Variants in RAD54L2 observed in about 807,000 individuals in gnomAD.
RAD54L2 encodes helicase ARIP4.
Under a neutral mutation model 138.4 loss-of-function variants are expected in RAD54L2, and 27 were observed. The observed-to-expected ratio is 0.20, with a 90% CI of 0.14 to 0.27. RAD54L2 has a LOEUF of 0.27. RAD54L2 is among the 10% of genes least tolerant of loss of function. The probability of loss-of-function intolerance (pLI) is 1.00; values close to 1 mark genes in which losing one functional copy is unlikely to be tolerated. For synonymous variants in RAD54L2, 644 were observed against 723.2 expected, an observed-to-expected ratio of 0.89 and a Z score of 1.76; for missense variants, 1,396 against 1,890.2, an observed-to-expected ratio of 0.74 and a Z score of 4.85.
chr3:51,644,796 G>C (rs1238733131), intron 16 of RAD54L2, among the ~76,000 whole-genome samples: 1 of 152,180 alleles, frequency 6.6e-6, no homozygotes, highest in Non-Finnish European at 1.5e-5. Context: ...ACAGAGGAGA[G>C]TGAGTTTTGT....
intron 2 of RAD54L2, among the ~76,000 whole-genome samples, chr3:51,554,644 C>T (rs963578740): frequency 3.9e-5 from 6 of 152,146 alleles, no homozygotes; most frequent in Admixed American, 1.3e-4. Flanking sequence ...GGAAAATTTG[C>T]ATCTGTAAAG....
At chr3:51,604,263 A>G (rs1003521626) in intron 3 of RAD54L2, among the ~76,000 whole-genome samples, 2 of 152,180 alleles carry the variant, frequency 1.3e-5, no homozygotes, top group African/African-American at 2.4e-5. Flanking sequence ...TTTGGAATCC[A>G]TCGTTTAGGT....
rs769046073 is a variant in RAD54L2, at chr3:51,639,975, T to A, written c.2207T>A (p.Leu736His). Residue 736 changes from leucine (L) to histidine (H), a missense_variant, in exon 14 of 23, where the codon CTT (leucine) becomes CAT (histidine). Leu to His is a moderately conservative substitution (Grantham distance 99, BLOSUM62 -3). Transcript: ENST00000684192. ...CACCTGATTGAGGAAAGTGTGAAGC[T>A]TGGGGACAAGATCCTTGTGTTTAGG... ...LFHLIEESVKLGDKILVFSQS... is the reference protein window; with the variant it reads ...LFHLIEESVKHGDKILVFSQS... The A allele has an allele frequency of 5.0e-6, 8 of 1,608,134 alleles. No homozygotes were observed. The highest frequency in any genetic ancestry group is 6.8e-6 in the Non-Finnish European group (8 of 1,175,342).
At chr3:51,565,091 G>A (rs1391929201) in intron 2 of RAD54L2, among the ~76,000 whole-genome samples, 1 of 152,168 alleles carries the variant, frequency 6.6e-6, no homozygotes, top group Admixed American at 6.6e-5. Context: ...TAGTCCTCAG[G>A]TGCTTGGGGA....
At chr3:51,544,385 T>G (rs1328360570) in intron 2 of RAD54L2, among the ~76,000 whole-genome samples, 1 of 152,206 alleles carries the variant, frequency 6.6e-6, no homozygotes, top group Non-Finnish European at 1.5e-5. Flanking sequence ...TTCATAATTT[T>G]GAGGCTGGAG....
chr3:51,601,312 T>TTTTTTTTTTGTTTG (rs1258104283), intron 3 of RAD54L2, among the ~76,000 whole-genome samples: 1 of 143,370 alleles, frequency 7.0e-6, no homozygotes, highest in African/African-American at 2.6e-5. Context: ...GCGCCCGGCT[T>TTTTTTTTTTGTTTG]TTTTTTTTTT....
At chr3:51,556,307 G>T (rs1157423916) in intron 2 of RAD54L2, among the ~76,000 whole-genome samples, 3 of 151,950 alleles carry the variant, frequency 2.0e-5, no homozygotes, top group Non-Finnish European at 4.4e-5. Context: ...ACAGGGTTTT[G>T]CTCTTTCACC....
intron 1 of RAD54L2, among the ~76,000 whole-genome samples, chr3:51,539,791 G>A (rs1025828313): frequency 3.3e-5 from 5 of 152,174 alleles, no homozygotes; most frequent in African/African-American, 1.2e-4. Context: ...AGATCTGTTA[G>A]GATTCCTGTT....
At chr3:51,597,877 C>T (rs2106727556) in intron 3 of RAD54L2, among the ~76,000 whole-genome samples, 1 of 151,036 alleles carries the variant, frequency 6.6e-6, no homozygotes, top group Admixed American at 6.6e-5. Context: ...TCGCTTAAAC[C>T]TGGGAGGCGG....
rs1376096170 is a variant in RAD54L2 at position 51,639,636 on chromosome 3, A to G, written c.2078A>G (p.Gln693Arg). ...FLQGVGFNPF[Q>R]ERGNNIVTYE... is the part of the protein sequence containing the mutation. Reference sequence around the variant, plus strand: ...CAGGGCGTTGGCTTCAACCCTTTCCAGGAGCGAGGCAACAACATTGTCACA... The same window carrying G: ...CAGGGCGTTGGCTTCAACCCTTTCCGGGAGCGAGGCAACAACATTGTCACA... Residue 693 changes from glutamine (Q) to arginine (R), a missense_variant, in exon 13 of 23, where the codon CAG becomes CGG. Transcript: ENST00000684192. 3 of 1,613,788 alleles carry G rather than the reference A, an allele frequency of 1.9e-6. No individual in the cohort carries two copies. The highest frequency in any genetic ancestry group is 3.3e-5 in the Admixed American group (2 of 59,986).
At chr3:51,611,699 C>G (rs1380177798) in intron 3 of RAD54L2, 1 of 152,076 alleles carries the variant, frequency 6.6e-6, no homozygotes, top group Non-Finnish European at 1.5e-5. Context: ...GCTGGGATTA[C>G]AGGTGCCAGC....
At chr3:51,603,233 A>T (rs1456144930) in intron 3 of RAD54L2, among the ~76,000 whole-genome samples, 1 of 151,282 alleles carries the variant, frequency 6.6e-6, no homozygotes, top group African/African-American at 2.4e-5. Context: ...CACTTGAGCC[A>T]GGAGGTTGAG....
intron 2 of RAD54L2, among the ~76,000 whole-genome samples, chr3:51,571,317 A>G (rs1699332418): frequency 6.7e-6 from 1 of 150,372 alleles, no homozygotes; most frequent in Admixed American, 6.6e-5. Context: ...TCCTTGTATG[A>G]ATTATTTTGG....
Position 51,645,567 on chromosome 3 carries a change from T to A in RAD54L2, c.2657-24T>A, listed in dbSNP as rs1454802561. On this transcript the variant is annotated intron_variant, in intron 17 of 22. Coordinates refer to ENST00000684192, the MANE Select transcript of RAD54L2 (RefSeq NM_015106.4). This position sits in a 1 kb window ranked among gnomAD's most constrained non-coding sequence, Gnocchi z 6.1. Reference sequence around the variant, plus strand: ...CAGTTTTTAATGCCATGTGCTGACTTTCTTCATGTCTTTATCCTTCTAGAT... The same window carrying A: ...CAGTTTTTAATGCCATGTGCTGACTATCTTCATGTCTTTATCCTTCTAGAT... 20 of 1,586,348 alleles carry A rather than the reference T, an allele frequency of 1.3e-5. No individual in the cohort carries two copies. The highest frequency in any genetic ancestry group is 1.7e-5 in the Non-Finnish European group (20 of 1,166,716).
At chr3:51,593,003 T>C (rs1039863551) in intron 3 of RAD54L2, among the ~76,000 whole-genome samples, 2 of 152,218 alleles carry the variant, frequency 1.3e-5, no homozygotes. Context: ...GCTATTCTAC[T>C]AGTAAGAATA....
intron 2 of RAD54L2, among the ~76,000 whole-genome samples, chr3:51,578,626 T>G (rs1577400040): frequency 6.6e-6 from 1 of 152,158 alleles, no homozygotes; most frequent in East Asian, 1.9e-4. Context: ...CACTCGCTAC[T>G]CTACTCATCG....
intron 2 of RAD54L2, among the ~76,000 whole-genome samples, chr3:51,585,679 A>G (rs946873645): frequency 6.6e-6 from 1 of 152,166 alleles, no homozygotes; most frequent in Non-Finnish European, 1.5e-5. Context: ...AGGATTGGCT[A>G]TGGGTTTCTT....
rs1485556541 is a variant in RAD54L2 at position 51,638,743 on chromosome 3, G to GT, written c.1860+425dup. The GT allele has an allele frequency of 1.2e-5, 2 of 163,402 alleles. No homozygotes were observed. The highest frequency in any genetic ancestry group is 1.8e-4 in the South Asian group (1 of 5,558). The allele number at this position is 163,402 out of a possible 1,614,324, so 10.1% of individuals were successfully genotyped here. A position where few individuals can be genotyped will look rare whatever the true frequency, so the allele number is the denominator to read the frequency against. On this transcript the variant is annotated intron_variant, in intron 12 of 22. Coordinates refer to ENST00000684192, the MANE Select transcript of RAD54L2 (RefSeq NM_015106.4). This position sits in a 1 kb window ranked among gnomAD's most constrained non-coding sequence, Gnocchi z 4.3. ...CTCTCATTCTTTTCTTGAGGGACCT[G>GT]TTTCATTGACTTCATACCTCTACCC...
chr3:51,572,506 T>A (rs1699359231), intron 2 of RAD54L2, among the ~76,000 whole-genome samples: 4 of 150,050 alleles, frequency 2.7e-5, no homozygotes, highest in Admixed American at 2.7e-4. Context: ...TAATCCCAGC[T>A]ACTTGGGAGG....
Sources: allele counts gnomAD v4.1 joint callset (sites outside exome capture counted in the v4.1 genomes callset), GRCh38; gene constraint gnomAD v4.1.1; non-coding constraint Gnocchi (gnomAD v3.1); transcripts MANE v1.5; gene names NCBI Gene and HGNC (gene_info 2026-07-23, HGNC 2026-07-21).